The following SH3PXD2B variants were observed in gnomAD, a reference collection of about 807,000 sequenced individuals.
SH3PXD2B encodes SH3 and PX domain-containing protein 2B.
Under a neutral mutation model 73.1 loss-of-function variants are expected in SH3PXD2B, and 37 were observed. That is an observed-to-expected ratio of 0.51 (90% CI 0.39 to 0.67). The LOEUF (loss-of-function observed/expected upper bound fraction) is 0.67, where lower values mean the gene tolerates loss of function less well. Among genes scored for constraint, SH3PXD2B ranks in the 30% least tolerant of loss-of-function variants. SH3PXD2B has a pLI of 0.00. For synonymous variants in SH3PXD2B, 457 were observed against 480.5 expected (o/e 0.95, Z 0.64); for missense variants, 1,053 against 1,197.8 (o/e 0.88, Z 1.78).
chr5:172,432,948 A>C (rs1420107058), intron 1 of SH3PXD2B, among the ~76,000 whole-genome samples: 1 of 146,910 alleles, frequency 6.8e-6, no homozygotes. Context: ...GGAAGAATTG[A>C]CTGTACCATA....
intron 2 of SH3PXD2B, 74 bp from the exon 3 acceptor site, chr5:172,406,426 A>G: frequency 6.7e-7 from 1 of 1,499,620 alleles, no homozygotes; most frequent in Non-Finnish European, 9.3e-7. Flanking sequence ...ATTTTAAAGA[A>G]ATTATGTGAA....
Position 172,394,576 on chromosome 5 carries a change from T to A in SH3PXD2B, c.296A>T (p.Asp99Val), listed in dbSNP as rs1256412828. 6.2e-7 allele frequency: 1 copy of A among 1,614,126 alleles called. No individual in the cohort carries two copies. The highest frequency in any genetic ancestry group is 8.5e-7 in the Non-Finnish European group (1 of 1,179,986). ...DVAVKRLIPI[D>V]EYCKALIQLP... ...TCTCAGCCTTACCTTACAGTATTCA[T>A]CAATTGGTATCAGGCGTTTGACAGC... The change falls in exon 4 of 13, where the codon GAT (aspartate) becomes GTT (valine). Residue 99 changes from aspartate to valine, a missense_variant. Physicochemically the swap from Asp to Val is radical, Grantham distance 152. Around this residue, in one of 2 missense-constraint regions of SH3PXD2B, gnomAD observed 466 missense variants for 607.1 expected, o/e 0.77. Transcript: ENST00000311601.
chr5:172,334,063 T>A lies in SH3PXD2B; in HGVS notation c.*4306A>T. ...ACTGTGGCACTGCGTTTGGCCTCTT[T>A]GAGGACAGAAGAGGTTGAGCCCCTC... On this transcript the variant is annotated 3_prime_UTR_variant, in exon 13 of 13. Coordinates refer to ENST00000311601, the MANE Select transcript of SH3PXD2B (RefSeq NM_001017995.3). 1 of 1,156,284 alleles carries A rather than the reference T, an allele frequency of 8.6e-7. No homozygotes were observed. Among genetic ancestry groups the A allele is most frequent in the Non-Finnish European group, 1.1e-6 (1 of 931,490 alleles). The allele number at this position is 1,156,284 out of a possible 1,614,324, so 71.6% of individuals were successfully genotyped here.
At chr5:172,331,680 G>C (rs186566814), downstream of SH3PXD2B, among the ~76,000 whole-genome samples, 2 of 152,304 alleles carry the variant, frequency 1.3e-5, no homozygotes, top group Admixed American at 6.5e-5. Flanking sequence ...GGCTGGGCAC[G>C]GTGGCTCATG....
At chr5:172,413,586 G>A (rs533940413) in intron 2 of SH3PXD2B, among the ~76,000 whole-genome samples, 1 of 152,336 alleles carries the variant, frequency 6.6e-6, no homozygotes, top group South Asian at 2.1e-4. Flanking sequence ...GTGGTTAACT[G>A]GTTTGGTCAG....
At chr5:172,448,217 T>A (rs1759716974) in intron 1 of SH3PXD2B, among the ~76,000 whole-genome samples, 1 of 152,194 alleles carries the variant, frequency 6.6e-6, no homozygotes, top group South Asian at 2.1e-4. Flanking sequence ...TCCCCCAGAA[T>A]GCCTCTTGAA....
intron 12 of SH3PXD2B, among the ~76,000 whole-genome samples, chr5:172,328,373 G>C (rs1440448808): frequency 6.6e-6 from 1 of 152,060 alleles, no homozygotes; most frequent in African/African-American, 2.4e-5. Flanking sequence ...CAAAGTGCTG[G>C]GATTACAGGT....
chr5:172,435,313 C>A (rs1394321407), intron 1 of SH3PXD2B, among the ~76,000 whole-genome samples: 3 of 152,090 alleles, frequency 2.0e-5, no homozygotes, highest in Non-Finnish European at 4.4e-5. Flanking sequence ...GGAATATATA[C>A]TGTAGGGAGT....
downstream of SH3PXD2B, among the ~76,000 whole-genome samples, chr5:172,329,083 A>ATATTTTTTTTTTTTT (rs58472514): frequency 4.9e-5 from 3 of 61,812 alleles, no homozygotes; most frequent in African/African-American, 2.3e-4. Context: ...ATATATATAT[A>ATATTTTTTTTTTTTT]TTTTTTTTTT....
chr5:172,453,476 G>A (rs535390748), intron 1 of SH3PXD2B, among the ~76,000 whole-genome samples: 6 of 152,294 alleles, frequency 3.9e-5, no homozygotes, highest in African/African-American at 1.4e-4. Flanking sequence ...CTTTCCACCT[G>A]CAGGTCACCG....
At chr5:172,426,725 C>T (rs1160270597) in intron 1 of SH3PXD2B, among the ~76,000 whole-genome samples, 1 of 152,156 alleles carries the variant, frequency 6.6e-6, no homozygotes, top group East Asian at 1.9e-4. Context: ...TCTCAGGGGA[C>T]AGACCATTTT....
chr5:172,421,392 C>G lies in SH3PXD2B; in HGVS notation c.156+1024G>C, dbSNP rs1367612398. Among the ~76,000 whole-genome samples, 2 of 152,134 alleles carry G rather than the reference C, an allele frequency of 1.3e-5. No homozygotes were observed. The highest frequency in any genetic ancestry group is 2.4e-5 in the African/African-American group (1 of 41,420). The stretch of plus-strand genomic sequence containing the variant: ...TAAGACTGGTAGTATACATGGTGTT[C>G]GTTCATTCATTCATTCATTCACCAA... On this transcript the variant is annotated intron_variant, in intron 2 of 12. Transcript: ENST00000311601. The surrounding 1 kb of genome is among the most constrained non-coding windows in gnomAD (Gnocchi z 4.0).
chr5:172,447,133 A>C (rs1048300964), intron 1 of SH3PXD2B, among the ~76,000 whole-genome samples: 6 of 152,174 alleles, frequency 3.9e-5, no homozygotes, highest in African/African-American at 1.4e-4. Context: ...ATTTTTACTA[A>C]AAACAAGAAT....
chr5:172,337,733 C>A lies in SH3PXD2B; in HGVS notation c.*636G>T, dbSNP rs564486072. The A allele has an allele frequency of 3.0e-6, 3 of 992,906 alleles. No individual in the cohort carries two copies. Among genetic ancestry groups the A allele is most frequent in the Non-Finnish European group, 3.6e-6 (3 of 834,430 alleles). 61.5% of individuals were successfully genotyped at this position (992,906 alleles called of 1,614,324 possible). On this transcript the variant is annotated 3_prime_UTR_variant, in exon 13 of 13. Coordinates refer to ENST00000311601, the MANE Select transcript of SH3PXD2B (RefSeq NM_001017995.3). ...CCAAGATAGAAGGTGGGAGGCAGGG[C>A]GGCTGAGCGGATCTCCAGGCCCACT...
At position 172,412,517 on chromosome 5, in the gene SH3PXD2B, T is replaced by C. The variant is rs571618737; in HGVS notation, c.157-6165A>G. Among the ~76,000 whole-genome samples the C allele has an allele frequency of 1.1e-3, 164 of 152,362 alleles. 1 individual carries two copies. Among genetic ancestry groups the C allele is most frequent in the African/African-American group, 3.8e-3 (159 of 41,578 alleles). ...AATTTTATTTCGTTTTCTTCATCAC[T>C]GTGTCCAATGTCAACGGCCATCTGT... On this transcript the variant is annotated intron_variant, in intron 2 of 12. Coordinates refer to ENST00000311601, the MANE Select transcript of SH3PXD2B (RefSeq NM_001017995.3).
intron 3 of SH3PXD2B, among the ~76,000 whole-genome samples, chr5:172,396,590 G>A (rs1758304511): frequency 2.0e-5 from 3 of 149,652 alleles, no homozygotes; most frequent in Admixed American, 1.3e-4. Context: ...AGGTAGACAA[G>A]GTAAATTTAA....
rs1232193822 is a variant in SH3PXD2B, at chr5:172,422,490, T to G, written c.82A>C (p.Ile28Leu). 6.2e-7 allele frequency: 1 copy of G among 1,611,736 alleles called. No homozygotes were observed. Among genetic ancestry groups the G allele is most frequent in the Non-Finnish European group, 8.5e-7 (1 of 1,179,496 alleles). The change falls in exon 2 of 13, where the codon ATC becomes CTC. Residue 28 changes from isoleucine (I) to leucine (L), a missense_variant. Transcript: ENST00000311601. ...CCGCTGGACCACGTGACCCGGATGATGTAGACCTGCGGGAGCAACAGAGGA... is the reference window on the plus strand; with the variant it reads ...CCGCTGGACCACGTGACCCGGATGAGGTAGACCTGCGGGAGCAACAGAGGA... The part of the protein sequence containing the change: ...RRVPNKHYVY[I>L]IRVTWSSGST...
At position 172,446,000 on chromosome 5, in the gene SH3PXD2B, G is replaced by T. The variant is rs1356737532; in HGVS notation, c.75+8278C>A. 2.0e-5 allele frequency among the ~76,000 whole-genome samples: 3 copies of T among 152,232 alleles called. No individual in the cohort carries two copies. Among genetic ancestry groups the T allele is most frequent in the Non-Finnish European group, 4.4e-5 (3 of 68,046 alleles). On this transcript the variant is annotated intron_variant, in intron 1 of 12. Transcript: ENST00000311601. The surrounding 1 kb of genome is among the most constrained non-coding windows in gnomAD (Gnocchi z 5.2). Reference sequence around the variant, plus strand: ...ACACGAGCCCTGCCCCCGGCCCACTGCTGGAGGCACTGAGCCTCCTGAGTC... The same window carrying T: ...ACACGAGCCCTGCCCCCGGCCCACTTCTGGAGGCACTGAGCCTCCTGAGTC...
rs376664866 is a variant in SH3PXD2B at position 172,441,443 on chromosome 5, G to A, written c.75+12835C>T. ...AGTGGCCGTTGCCTTAGAATCATGG[G>A]ACCTTGGGACTGCGAGGGTACAAGC... On this transcript the variant is annotated intron_variant, in intron 1 of 12. Transcript: ENST00000311601. 2.2e-4 allele frequency among the ~76,000 whole-genome samples: 34 copies of A among 152,352 alleles called. No individual in the cohort carries two copies. The South Asian group carries it at 6.8e-3, about 31-fold the overall frequency.
Sources: allele counts gnomAD v4.1 joint callset (sites outside exome capture counted in the v4.1 genomes callset), GRCh38; gene constraint gnomAD v4.1.1; regional missense constraint gnomAD v4.1.1; non-coding constraint Gnocchi (gnomAD v3.1); transcripts MANE v1.5; gene names NCBI Gene and HGNC (gene_info 2026-07-23, HGNC 2026-07-21).